The following FLRT1 variants were observed in gnomAD, a reference collection of about 807,000 sequenced individuals.
FLRT1 encodes the protein fibronectin leucine rich transmembrane protein 1.
A neutral mutation model predicts 30.9 loss-of-function variants in FLRT1; 14 were observed. The ratio of observed to expected loss-of-function variants is 0.45; its 90% CI spans 0.30 to 0.71. The LOEUF is 0.71. FLRT1 is among the 30% of genes least tolerant of loss of function. FLRT1 has a pLI of 0.08. For synonymous variants in FLRT1, 368 were observed against 430.4 expected (o/e 0.85, Z 1.80); for missense variants, 737 against 949.2 (o/e 0.78, Z 2.94).
rs1944978166 is a variant in FLRT1, at chr11:64,116,282, C to A, written c.15C>A (p.His5Gln). The change falls in exon 3 of 3, where the codon CAC (histidine) becomes CAA (glutamine). Residue 5 changes from histidine (H) to glutamine (Q), a missense_variant. Physicochemically the swap from His to Gln is conservative, Grantham distance 24. Coordinates refer to ENST00000682287, the MANE Select transcript of FLRT1 (RefSeq NM_013280.5). ...AGCCATCCACCATGGTGGTGGCACA[C>A]CCCACCGCCACTGCCACCACCACGC... Reference protein sequence around the residue: MVVAHPTATATTTPT... With the variant: MVVAQPTATATTTPT... 2 of 1,598,080 alleles carry A rather than the reference C, an allele frequency of 1.3e-6. No homozygotes were observed. The highest frequency in any genetic ancestry group is 1.3e-5 in the African/African-American group (1 of 74,840).
Position 64,077,619 on chromosome 11 carries a change from C to T in FLRT1, c.-1037-25575C>T, listed in dbSNP as rs549942618. Among the ~76,000 whole-genome samples the T allele has an allele frequency of 3.3e-4, 51 of 152,248 alleles. 1 individual carries two copies. In the South Asian group the frequency reaches 4.2e-3, roughly 12 times the overall value. Reference sequence around the variant, plus strand: ...CTAGACACAGACTGACGGGCACACACGAACAGAACTCATAGATGGACGCTC... The same window carrying T: ...CTAGACACAGACTGACGGGCACACATGAACAGAACTCATAGATGGACGCTC... On this transcript the variant is annotated intron_variant, in intron 1 of 2. Coordinates refer to ENST00000682287, the MANE Select transcript of FLRT1 (RefSeq NM_013280.5).
At chr11:64,079,706 G>A (rs1467847521) in intron 1 of FLRT1, among the ~76,000 whole-genome samples, 1 of 152,070 alleles carries the variant, frequency 6.6e-6, no homozygotes, top group Non-Finnish European at 1.5e-5. Context: ...GGAAGGACTG[G>A]GGATTGGGTT....
At position 64,036,483 on chromosome 11, in the gene FLRT1, T is replaced by G. The variant is rs1290208647; in HGVS notation, c.-1038+324T>G. 6.6e-6 allele frequency among the ~76,000 whole-genome samples: 1 copy of G among 151,892 alleles called. No homozygotes were observed. Among genetic ancestry groups the G allele is most frequent in the African/African-American group, 2.4e-5 (1 of 41,354 alleles). On this transcript the variant is annotated intron_variant, in intron 1 of 2. Coordinates refer to ENST00000682287, the MANE Select transcript of FLRT1 (RefSeq NM_013280.5). The surrounding 1 kb of genome is among the most constrained non-coding windows in gnomAD (Gnocchi z 5.6). ...CTGGAGCTCTAGTCCAAGCCCTCGC[T>G]GCACCCCCCAGGGAGGGGGCCTGGC... is the stretch of plus-strand genomic sequence containing the variant.
chr11:64,088,376 C>T (rs958776288), intron 1 of FLRT1, among the ~76,000 whole-genome samples: 1 of 152,132 alleles, frequency 6.6e-6, no homozygotes, highest in African/African-American at 2.4e-5. Flanking sequence ...GCGTGACTGT[C>T]TGCGGGCCTC....
chr11:64,081,115 A>G (rs2701544), intron 1 of FLRT1, among the ~76,000 whole-genome samples: 144,264 of 152,254 alleles, frequency 0.95, 68,854 homozygotes, highest in East Asian at 1. Context: ...TCCACCTCCC[A>G]GGTTCAGACA....
rs2253398 is a variant in FLRT1 at position 64,090,755 on chromosome 11, G to T, written c.-1037-12439G>T. Among the ~76,000 whole-genome samples, 128,881 of 151,464 alleles carry T rather than the reference G, an allele frequency of 0.85. 56,356 individuals are homozygous for T. Among genetic ancestry groups the T allele is most frequent in the Middle Eastern group, 0.98 (288 of 294 alleles). On this transcript the variant is annotated intron_variant, in intron 1 of 2. Coordinates refer to ENST00000682287, the MANE Select transcript of FLRT1 (RefSeq NM_013280.5). The surrounding 1 kb of genome is among the most constrained non-coding windows in gnomAD (Gnocchi z 4.7). ...TCTCCACCACATCCCAAGACTAAAA[G>T]GGGGGCGGGGTGGCGGCGTCTCTCC...
chr11:64,095,082 T>C (rs1944553943), intron 1 of FLRT1, among the ~76,000 whole-genome samples: 1 of 152,020 alleles, frequency 6.6e-6, no homozygotes. Flanking sequence ...AAAAGGAAAA[T>C]ATACAATGAG....
chr11:64,066,566 G>T (rs370619727), intron 1 of FLRT1, among the ~76,000 whole-genome samples: 14 of 151,506 alleles, frequency 9.2e-5, no homozygotes, highest in Non-Finnish European at 1.8e-4. Context: ...CTACAGTGCA[G>T]TATGATCCTA....
chr11:64,094,689 AAAAGTGGTT>A (rs1944547343), intron 1 of FLRT1, among the ~76,000 whole-genome samples: 2 of 152,298 alleles, frequency 1.3e-5, no homozygotes, highest in African/African-American at 4.8e-5. Flanking sequence ...TGTCTTTGGG[AAAAGTGGTT>A]CAGGGAGGCT....
intron 2 of FLRT1, among the ~76,000 whole-genome samples, chr11:64,115,067 C>T (rs925910325): frequency 6.6e-6 from 1 of 152,176 alleles, no homozygotes; most frequent in Non-Finnish European, 1.5e-5. Flanking sequence ...CAGGGCTGCC[C>T]TCCCAGGCTG....
intron 1 of FLRT1, among the ~76,000 whole-genome samples, chr11:64,047,607 G>A (rs775788671): frequency 6.6e-6 from 1 of 152,018 alleles, no homozygotes; most frequent in Non-Finnish European, 1.5e-5. Flanking sequence ...GTTAATAGAG[G>A]GAAGGAAGGC....
chr11:64,092,731 T>G (rs1351202008), intron 1 of FLRT1, among the ~76,000 whole-genome samples: 1 of 152,210 alleles, frequency 6.6e-6, no homozygotes, highest in Non-Finnish European at 1.5e-5. Flanking sequence ...ACCAGGCCCC[T>G]GCATGGCACA....
intron 1 of FLRT1, among the ~76,000 whole-genome samples, chr11:64,095,560 G>A (rs1050119498): frequency 6.6e-6 from 1 of 152,178 alleles, no homozygotes; most frequent in Non-Finnish European, 1.5e-5. Flanking sequence ...TGGCAGAGCT[G>A]GTGGGAGGGA....
At chr11:64,084,421 G>GC (rs35030938) in intron 1 of FLRT1, among the ~76,000 whole-genome samples, 1 of 152,230 alleles carries the variant, frequency 6.6e-6, no homozygotes, top group Non-Finnish European at 1.5e-5. Context: ...TTCCCGCGAA[G>GC]CCCCCTCCCT....
Position 64,117,471 on chromosome 11 carries a change from G to A in FLRT1, c.1204G>A (p.Ala402Thr). The part of the protein sequence containing the change: ...AKTTASNHAS[A>T]TTPQGSLFTL... ...GACCACGGCCAGCAACCACGCCTCT[G>A]CCACCACGCCCCAGGGTTCCCTGTT... The change falls in exon 3 of 3, where the codon GCC becomes ACC. Residue 402 changes from alanine to threonine, a missense_variant. Transcript: ENST00000682287. The A allele has an allele frequency of 6.2e-7, 1 of 1,612,824 alleles. No individual in the cohort carries two copies. The highest frequency in any genetic ancestry group is 8.5e-7 in the Non-Finnish European group (1 of 1,179,104).
chr11:64,040,197 C>T (rs1943458638), intron 1 of FLRT1, among the ~76,000 whole-genome samples: 1 of 152,132 alleles, frequency 6.6e-6, no homozygotes, highest in African/African-American at 2.4e-5. Flanking sequence ...TACCTCTTCC[C>T]CGTGAAGCCT....
In FLRT1 at chr11:64,116,878, G is replaced by T; in HGVS notation, c.611G>T (p.Arg204Leu). The T allele has an allele frequency of 6.2e-7, 1 of 1,611,758 alleles. No individual in the cohort carries two copies. Among genetic ancestry groups the T allele is most frequent in the Non-Finnish European group, 8.5e-7 (1 of 1,179,958 alleles). Residue 204 changes from arginine to leucine, a missense_variant, in exon 3 of 3, where the codon CGG becomes CTG. Transcript: ENST00000682287. ...SGLPHTLEELRLDDNRISTIP... is the reference protein window; with the variant it reads ...SGLPHTLEELLLDDNRISTIP... Reference sequence around the variant, plus strand: ...CTGCCGCACACGCTGGAGGAGCTGCGGCTGGATGACAACCGCATCTCCACC... The same window carrying T: ...CTGCCGCACACGCTGGAGGAGCTGCTGCTGGATGACAACCGCATCTCCACC...
intron 2 of FLRT1, among the ~76,000 whole-genome samples, chr11:64,114,045 T>C (rs1287296154): frequency 1.4e-5 from 2 of 147,058 alleles, no homozygotes; most frequent in African/African-American, 2.6e-5. Context: ...GGTGGATGCA[T>C]GGGTTGATGC....
At chr11:64,056,111 C>T (rs1943780660) in intron 1 of FLRT1, among the ~76,000 whole-genome samples, 1 of 152,136 alleles carries the variant, frequency 6.6e-6, no homozygotes, top group African/African-American at 2.4e-5. Flanking sequence ...GTCTGCTCCA[C>T]CCCCGGCAAT....
Sources: allele counts gnomAD v4.1 joint callset (sites outside exome capture counted in the v4.1 genomes callset), GRCh38; gene constraint gnomAD v4.1.1; non-coding constraint Gnocchi (gnomAD v3.1); transcripts MANE v1.5; gene names NCBI Gene and HGNC (gene_info 2026-07-23, HGNC 2026-07-21).